Variants in FRMPD3 observed in about 807,000 individuals in gnomAD.
FRMPD3 encodes the protein FERM and PDZ domain-containing protein 3.
Under a neutral mutation model 97.9 loss-of-function variants are expected in FRMPD3, and 42 were observed. The observed-to-expected ratio is 0.43, with a 90% CI of 0.34 to 0.55. The LOEUF (loss-of-function observed/expected upper bound fraction) is 0.55, where lower values mean the gene tolerates loss of function less well. FRMPD3 is among the 20% of genes least tolerant of loss of function. FRMPD3 has a pLI of 0.03. For synonymous variants in FRMPD3, 577 were observed against 581.1 expected, an observed-to-expected ratio of 0.99 and a Z score of 0.10; for missense variants, 1,303 against 1,457.7, an observed-to-expected ratio of 0.89 and a Z score of 1.73.
chrX:107,572,363 G>A (rs956711533), intron 12 of FRMPD3, among the ~76,000 whole-genome samples: 5 of 112,121 alleles, frequency 4.5e-5, no homozygotes, highest in Admixed American at 9.5e-5. Flanking sequence ...TATGGTTGGA[G>A]ATGGAGGTTG....
intron 13 of FRMPD3, among the ~76,000 whole-genome samples, chrX:107,588,570 C>T (rs895996310): frequency 1.6e-4 from 18 of 111,916 alleles, no homozygotes; most frequent in African/African-American, 5.8e-4. Context: ...TTGATCTTCT[C>T]ATGGAGTATC....
intron 2 of FRMPD3, among the ~76,000 whole-genome samples, chrX:107,528,016 G>A (rs1213080729): frequency 9.0e-6 from 1 of 111,349 alleles, no homozygotes; most frequent in African/African-American, 3.3e-5. Context: ...AACTTCAAAT[G>A]AGACAGAATC....
In FRMPD3 at chrX:107,518,321, C is replaced by T. The variant is rs573409205; in HGVS notation, c.-7-8261C>T. Among the ~76,000 whole-genome samples the T allele has an allele frequency of 5.4e-5, 6 of 111,276 alleles. No individual in the cohort carries two copies. The South Asian group carries it at 2.3e-3, about 43-fold the overall frequency. On this transcript the variant is annotated intron_variant, in intron 1 of 14. Transcript: ENST00000683843. ...TTCAGATGCTTCCTGCAGTGGGAGC[C>T]CTTGTGGAGGTAAACTGGAAGAATG...
chrX:107,452,404 G>A (rs1931304844), intron 1 of FRMPD3, among the ~76,000 whole-genome samples: 1 of 112,127 alleles, frequency 8.9e-6, no homozygotes. Flanking sequence ...GCTGCATGTG[G>A]AGAGAATATC....
At chrX:107,481,791 T>C (rs1045190051) in intron 1 of FRMPD3, among the ~76,000 whole-genome samples, 1 of 112,297 alleles carries the variant, frequency 8.9e-6, no homozygotes, top group African/African-American at 3.2e-5. Context: ...CCAAAATAAT[T>C]GAGGCTGGGT....
chrX:107,526,779 TCCCAACA>T (rs749359347), intron 2 of FRMPD3, 43 bp downstream of exon 2: 1 of 1,105,730 alleles, frequency 9.0e-7, no homozygotes, highest in Non-Finnish European at 1.2e-6. Flanking sequence ...GACTCCTGTC[TCCCAACA>T]CCCACATATC....
At chrX:107,483,811 G>T (rs904058717) in intron 1 of FRMPD3, among the ~76,000 whole-genome samples, 1 of 111,579 alleles carries the variant, frequency 9.0e-6, no homozygotes, top group African/African-American at 3.3e-5. Flanking sequence ...TGGGGTAGGG[G>T]TGGGGTTCGC....
In FRMPD3 at chrX:107,601,956, G is replaced by A. The variant is rs761809395; in HGVS notation, c.3917G>A (p.Arg1306Gln). Reference protein sequence around the residue: ...RRSCDCKRICRGGRPQATQTP... With the variant: ...RRSCDCKRICQGGRPQATQTP... ...AGCTGTGACTGCAAGCGCATCTGCC[G>A]GGGGGGCCGGCCACAAGCCACCCAG... Residue 1306 changes from arginine (R) to glutamine (Q), a missense_variant, in exon 15 of 15, where the codon CGG becomes CAG. Arg to Gln is a conservative substitution (Grantham distance 43). Around this residue, in one of 3 missense-constraint regions of FRMPD3, gnomAD observed 764 missense variants for 820.2 expected, o/e 0.93. Transcript: ENST00000683843. 3.4e-6 allele frequency: 4 copies of A among 1,169,377 alleles called. No homozygotes were observed. The Admixed American group carries it at 7.5e-5, about 22-fold the overall frequency.
intron 12 of FRMPD3, among the ~76,000 whole-genome samples, chrX:107,565,749 G>A (rs1435940096): frequency 9.2e-6 from 1 of 109,230 alleles, no homozygotes; most frequent in Non-Finnish European, 1.9e-5. Flanking sequence ...AAAGAAAAAA[G>A]AAAAAAAAAT....
At chrX:107,473,146 A>G (rs768635274) in intron 1 of FRMPD3, among the ~76,000 whole-genome samples, 6 of 112,626 alleles carry the variant, frequency 5.3e-5, no homozygotes, top group Non-Finnish European at 9.4e-5. Context: ...AGAGAGGTGT[A>G]GTGACTTGCT....
At chrX:107,511,359 C>CT (rs1370506635) in intron 1 of FRMPD3, among the ~76,000 whole-genome samples, 1 of 112,441 alleles carries the variant, frequency 8.9e-6, no homozygotes, top group Non-Finnish European at 1.9e-5. Context: ...TCTGGCCCTT[C>CT]CTGCCATACC....
At chrX:107,539,167 C>T (rs886959361) in intron 4 of FRMPD3, among the ~76,000 whole-genome samples, 3 of 112,275 alleles carry the variant, frequency 2.7e-5, no homozygotes, top group African/African-American at 9.7e-5. Flanking sequence ...AAAGGCTCAC[C>T]AAATGATTCT....
chrX:107,560,189 G>A (rs1922282456), intron 8 of FRMPD3, 68 bp from the exon 9 acceptor site: 2 of 1,138,836 alleles, frequency 1.8e-6, no homozygotes, highest in Non-Finnish European at 1.2e-6. Flanking sequence ...GGATGTAAGG[G>A]AGTAGATCAG....
chrX:107,499,121 G>A (rs1921845022), intron 1 of FRMPD3, among the ~76,000 whole-genome samples: 1 of 111,060 alleles, frequency 9.0e-6, no homozygotes, highest in Non-Finnish European at 1.9e-5. Context: ...AAAGACATAT[G>A]TCCCACCCTG....
chrX:107,564,007 A>G (rs1174072312), intron 11 of FRMPD3, among the ~76,000 whole-genome samples: 1 of 112,212 alleles, frequency 8.9e-6, no homozygotes, highest in Non-Finnish European at 1.9e-5. Flanking sequence ...ATTGTCAGCT[A>G]GTGCGGCACA....
At chrX:107,468,105 C>T (rs1931606684) in intron 1 of FRMPD3, among the ~76,000 whole-genome samples, 1 of 111,599 alleles carries the variant, frequency 9.0e-6, no homozygotes, top group African/African-American at 3.3e-5. Flanking sequence ...AAAAAGCCCA[C>T]CCCTACTCTA....
rs754815527 is a variant in FRMPD3, at chrX:107,597,662, C to T, written c.1783C>T (p.Arg595Trp). Residue 595 changes from arginine (R) to tryptophan (W), a missense_variant, in exon 14 of 15, where the codon CGG becomes TGG. By Grantham distance (101) the Arg-to-Trp change is moderately radical (BLOSUM62 -3). Around this residue, in one of 3 missense-constraint regions of FRMPD3, gnomAD observed 535 missense variants for 618.6 expected, o/e 0.86. Coordinates refer to ENST00000683843, the MANE Select transcript of FRMPD3 (RefSeq NM_001388459.1). ...LDHEPCASRA[R>W]SYTLDNSLGA... ...CCACGAGCCTTGTGCCAGCAGGGCC[C>T]GGTCCTACACCTTGGACAATTCCCT... 17 of 1,208,643 alleles carry T rather than the reference C, an allele frequency of 1.4e-5. No individual in the cohort carries two copies. Among genetic ancestry groups the T allele is most frequent in the East Asian group, 5.9e-5 (2 of 33,772 alleles).
At chrX:107,594,437 G>A (rs959613509) in intron 13 of FRMPD3, among the ~76,000 whole-genome samples, 2 of 112,046 alleles carry the variant, frequency 1.8e-5, no homozygotes, top group South Asian at 3.7e-4. Context: ...ACCCTATTGC[G>A]TTATCAAATA....
At chrX:107,543,693 G>C (rs1921429900) in intron 4 of FRMPD3, among the ~76,000 whole-genome samples, 1 of 109,665 alleles carries the variant, frequency 9.1e-6, no homozygotes, top group Admixed American at 9.8e-5. Context: ...ATGCCTGCCT[G>C]TAATCCCAGC....
Sources: gnomAD v4.1 joint callset for allele counts (sites outside exome capture counted in the v4.1 genomes callset) on GRCh38, gnomAD v4.1.1 for gene constraint, gnomAD v4.1.1 regional missense constraint, MANE v1.5 for transcripts, NCBI Gene and HGNC (gene_info 2026-07-23, HGNC 2026-07-21) for gene names.